The following SPMIP2 variants were observed in gnomAD, a reference collection of about 807,000 sequenced individuals.
SPMIP2 encodes protein SPMIP2.
the SPMIP2 span, among the ~76,000 whole-genome samples, chr4:159,056,648 G>T: frequency 6.6e-6 from 1 of 152,160 alleles, no homozygotes; most frequent in Admixed American, 6.6e-5. Context: ...TGAGGAGTTT[G>T]TTTTAGTAGG....
chr4:158,980,271 G>C, the SPMIP2 span, among the ~76,000 whole-genome samples: 1 of 152,138 alleles, frequency 6.6e-6, no homozygotes, highest in Non-Finnish European at 1.5e-5. Flanking sequence ...GCAGCTGTGG[G>C]TGCAACTTCA....
chr4:158,959,274 A>G, the SPMIP2 span, among the ~76,000 whole-genome samples: 5 of 152,194 alleles, frequency 3.3e-5, no homozygotes, highest in African/African-American at 1.2e-4. Context: ...CTTTGCTTGG[A>G]AATATTTGAT....
the SPMIP2 span, among the ~76,000 whole-genome samples, chr4:159,027,541 T>G: frequency 1.3e-5 from 2 of 152,232 alleles, no homozygotes; most frequent in Non-Finnish European, 2.9e-5. Context: ...TCAGTACCAT[T>G]AAAATGTGTA....
the SPMIP2 span, among the ~76,000 whole-genome samples, chr4:159,081,687 T>C: frequency 6.6e-6 from 1 of 151,966 alleles, no homozygotes; most frequent in Non-Finnish European, 1.5e-5. Flanking sequence ...AGAGTGAGAC[T>C]CTGTCTCCAA....
chr4:159,007,176 CT>C, the SPMIP2 span: 1 of 1,046,628 alleles, frequency 9.6e-7, no homozygotes. Context: ...AGGTGGAGAT[CT>C]TCAGGCAGAA....
chr4:158,955,457 T>G, the SPMIP2 span, among the ~76,000 whole-genome samples: 3 of 152,184 alleles, frequency 2.0e-5, no homozygotes, highest in Admixed American at 6.5e-5. Context: ...CAGGCTGGAG[T>G]GCAGTTCCAT....
At chr4:159,040,910 T>C in the SPMIP2 span, among the ~76,000 whole-genome samples, 1 of 152,240 alleles carries the variant, frequency 6.6e-6, no homozygotes, top group Non-Finnish European at 1.5e-5. Flanking sequence ...TCATTGTGCC[T>C]ACCTATAAGT....
At chr4:158,945,816 G>A in the SPMIP2 span, among the ~76,000 whole-genome samples, 3 of 152,134 alleles carry the variant, frequency 2.0e-5, no homozygotes, top group Non-Finnish European at 4.4e-5. Context: ...ATGGACATAA[G>A]ACTCATAACA....
chr4:159,051,813 A>C, the SPMIP2 span, among the ~76,000 whole-genome samples: 1 of 152,142 alleles, frequency 6.6e-6, no homozygotes, highest in Non-Finnish European at 1.5e-5. Flanking sequence ...AAATATAGTA[A>C]ACGACTGGCA....
the SPMIP2 span, among the ~76,000 whole-genome samples, chr4:158,914,224 A>T: frequency 6.6e-6 from 1 of 152,236 alleles, no homozygotes; most frequent in Non-Finnish European, 1.5e-5. Context: ...ACTTGGACCC[A>T]TCTCAAAATT....
the SPMIP2 span, among the ~76,000 whole-genome samples, chr4:158,990,875 T>TA: frequency 0.63 from 95,137 of 151,912 alleles, 30,177 homozygotes; most frequent in Middle Eastern, 0.71. Context: ...TAAAATATAA[T>TA]AAAAAACGTT....
chr4:159,041,768 G>A, the SPMIP2 span, among the ~76,000 whole-genome samples: 2 of 152,188 alleles, frequency 1.3e-5, no homozygotes, highest in Non-Finnish European at 2.9e-5. Context: ...ACTGATCAAT[G>A]AACAAATATA....
the SPMIP2 span, among the ~76,000 whole-genome samples, chr4:158,982,430 A>C: frequency 4.7e-4 from 72 of 152,362 alleles, no homozygotes; most frequent in Non-Finnish European, 8.8e-4. Flanking sequence ...CATTCTTCTC[A>C]GCACCACATA....
chr4:159,023,238 T>C, the SPMIP2 span, among the ~76,000 whole-genome samples: 2 of 152,184 alleles, frequency 1.3e-5, no homozygotes, highest in African/African-American at 4.8e-5. Context: ...GTCTCACCCA[T>C]GTGAGTGAGC....
At chr4:159,024,482 T>C in the SPMIP2 span, among the ~76,000 whole-genome samples, 1 of 152,130 alleles carries the variant, frequency 6.6e-6, no homozygotes. Context: ...AAGTGCTTCC[T>C]TGCTGGCGTT....
the SPMIP2 span, among the ~76,000 whole-genome samples, chr4:158,991,888 C>T: frequency 6.6e-6 from 1 of 151,960 alleles, no homozygotes; most frequent in African/African-American, 2.4e-5. Context: ...CTGAGGTGTA[C>T]CCTTCAGAAA....
At chr4:159,010,551 G>A in the SPMIP2 span, among the ~76,000 whole-genome samples, 10 of 152,110 alleles carry the variant, frequency 6.6e-5, no homozygotes, top group African/African-American at 1.7e-4. Flanking sequence ...TCTTTCAGGC[G>A]TTCATGTAAC....
the SPMIP2 span, among the ~76,000 whole-genome samples, chr4:159,002,625 GTCCA>G: frequency 6.6e-6 from 1 of 152,126 alleles, no homozygotes; most frequent in Non-Finnish European, 1.5e-5. Flanking sequence ...CCCATTTCAA[GTCCA>G]TTTTTGTATA....
the SPMIP2 span, among the ~76,000 whole-genome samples, chr4:158,948,215 G>C: frequency 6.6e-6 from 1 of 152,048 alleles, no homozygotes; most frequent in Non-Finnish European, 1.5e-5. Flanking sequence ...CCCTTGTTGG[G>C]TACCTTGGTT....
Sources: gnomAD v4.1 joint callset for allele counts (sites outside exome capture counted in the v4.1 genomes callset) on GRCh38, gnomAD v4.1.1 for gene constraint, MANE v1.5 for transcripts, NCBI Gene and HGNC (gene_info 2026-07-23, HGNC 2026-07-21) for gene names.